DLGAP2: variants seen among roughly 807,000 people sequenced by gnomAD.
The protein encoded by DLGAP2 is disks large-associated protein 2.
A neutral mutation model predicts 100.3 loss-of-function variants in DLGAP2; 26 were observed. That is an observed-to-expected ratio of 0.26 (90% confidence interval 0.19 to 0.36). The LOEUF (loss-of-function observed/expected upper bound fraction) is 0.36. DLGAP2 is among the 10% of genes least tolerant of loss of function. The probability of loss-of-function intolerance (pLI) is 1.00; values close to 1 mark genes in which losing one functional copy is unlikely to be tolerated. For synonymous variants in DLGAP2, 886 were observed against 630.1 expected, an observed-to-expected ratio of 1.41 and a Z score of -6.08; for missense variants, 1,858 against 1,453.2, an observed-to-expected ratio of 1.28 and a Z score of -4.53.
intron 3 of DLGAP2, among the ~76,000 whole-genome samples, chr8:1,304,836 T>C (rs766415824): frequency 6.6e-6 from 1 of 152,198 alleles, no homozygotes; most frequent in Non-Finnish European, 1.5e-5. Flanking sequence ...CTAAACACCC[T>C]TCAATACTGC....
At chr8:1,392,187 G>T (rs751276870) in intron 3 of DLGAP2, among the ~76,000 whole-genome samples, 6 of 152,298 alleles carry the variant, frequency 3.9e-5, no homozygotes, top group East Asian at 1.9e-4. Flanking sequence ...TCCAGGCTCG[G>T]GTGCCATTGG....
chr8:1,214,829 T>C (rs902784877), intron 2 of DLGAP2, among the ~76,000 whole-genome samples: 6 of 152,266 alleles, frequency 3.9e-5, no homozygotes, highest in Non-Finnish European at 8.8e-5. Context: ...TAACATTCTT[T>C]AATGAATTAA....
At chr8:1,195,757 C>A (rs1797736593) in intron 2 of DLGAP2, among the ~76,000 whole-genome samples, 2 of 152,206 alleles carry the variant, frequency 1.3e-5, no homozygotes, top group South Asian at 2.1e-4. Flanking sequence ...AATCGCATCA[C>A]CATCGTTGCT....
chr8:1,236,900 A>G (rs1415416139), intron 2 of DLGAP2, among the ~76,000 whole-genome samples: 7 of 80,566 alleles, frequency 8.7e-5, no homozygotes, highest in Admixed American at 2.8e-4. Flanking sequence ...ACATGGCGCC[A>G]TGTTTAGTTC....
intron 2 of DLGAP2, among the ~76,000 whole-genome samples, chr8:1,243,827 T>C (rs111684141): frequency 3.9e-5 from 6 of 152,316 alleles, no homozygotes; most frequent in African/African-American, 1.4e-4. Flanking sequence ...CATTTACTTA[T>C]ATAACTCCTT....
intron 3 of DLGAP2, among the ~76,000 whole-genome samples, chr8:1,342,585 A>G (rs980483941): frequency 6.6e-6 from 1 of 152,194 alleles, no homozygotes; most frequent in Non-Finnish European, 1.5e-5. Context: ...CCTGACAGGT[A>G]CAAGTGCCAA....
intron 4 of DLGAP2, among the ~76,000 whole-genome samples, chr8:1,540,663 G>T (rs988804684): frequency 6.6e-6 from 1 of 152,244 alleles, no homozygotes; most frequent in Admixed American, 6.5e-5. Context: ...GGAGCTGGAC[G>T]CATGCTGGTG....
At chr8:1,298,865 C>T (rs547352915) in intron 3 of DLGAP2, among the ~76,000 whole-genome samples, 104 of 152,256 alleles carry the variant, frequency 6.8e-4, no homozygotes, top group South Asian at 1.5e-3. Flanking sequence ...CCAGCGAACT[C>T]CCATGGGCAA....
chr8:1,588,562 T>G (rs965340030), intron 6 of DLGAP2, among the ~76,000 whole-genome samples: 14 of 151,954 alleles, frequency 9.2e-5, no homozygotes, highest in African/African-American at 3.1e-4. Context: ...AATAGATAAA[T>G]AAAATAATTG....
chr8:1,201,911 CAT>C (rs1371630542), intron 2 of DLGAP2, among the ~76,000 whole-genome samples: 4 of 151,888 alleles, frequency 2.6e-5, no homozygotes, highest in East Asian at 1.9e-4. Context: ...CATGTGTGCA[CAT>C]GTGTGGTATC....
chr8:1,216,727 C>G (rs1327452845), intron 2 of DLGAP2, among the ~76,000 whole-genome samples: 1 of 152,098 alleles, frequency 6.6e-6, no homozygotes, highest in Non-Finnish European at 1.5e-5. Context: ...CTCCCTTTCT[C>G]TCTCATAACT....
At chr8:1,606,200 C>G (rs1003186593) in intron 6 of DLGAP2, among the ~76,000 whole-genome samples, 3 of 152,146 alleles carry the variant, frequency 2.0e-5, no homozygotes, top group Non-Finnish European at 4.4e-5. Flanking sequence ...TTCATTTCAA[C>G]TTTCAGATGA....
intron 2 of DLGAP2, among the ~76,000 whole-genome samples, chr8:1,029,741 AGGGGATGGAAAGTCAAAG>A (rs1227735728): frequency 1.3e-5 from 2 of 152,162 alleles, no homozygotes; most frequent in Non-Finnish European, 2.9e-5. Context: ...CCTCAGTTAC[AGGGGATGGAAAGTCAAAG>A]GGGGATGGAG....
intron 1 of DLGAP2, among the ~76,000 whole-genome samples, chr8:895,626 C>T (rs1172103809): frequency 6.6e-6 from 1 of 152,128 alleles, no homozygotes; most frequent in East Asian, 1.9e-4. Context: ...GGGTTTTGAG[C>T]AGAATAATGC....
At chr8:1,164,156 G>A (rs771439570) in intron 2 of DLGAP2, among the ~76,000 whole-genome samples, 814 of 11,916 alleles carry the variant, frequency 0.068, 158 homozygotes, top group Non-Finnish European at 0.1. Flanking sequence ...TTTTCTGTGA[G>A]CCCCCCAGGG....
intron 1 of DLGAP2, among the ~76,000 whole-genome samples, chr8:799,522 T>A (rs1347611599): frequency 1.3e-5 from 2 of 152,216 alleles, no homozygotes; most frequent in African/African-American, 4.8e-5. Flanking sequence ...TCTGTGTACC[T>A]AACAGCGTCC....
intron 2 of DLGAP2, among the ~76,000 whole-genome samples, chr8:935,298 G>T (rs753914311): frequency 6.6e-5 from 10 of 152,216 alleles, no homozygotes; most frequent in Non-Finnish European, 1.2e-4. Flanking sequence ...TACAAACCTT[G>T]TGTCAGCTGC....
chr8:1,282,720 G>GCA (rs2116951826), intron 3 of DLGAP2, among the ~76,000 whole-genome samples: 1 of 132,140 alleles, frequency 7.6e-6, no homozygotes, highest in Admixed American at 8.2e-5. Context: ...CCTGAACCCA[G>GCA]CGCCCTGAAC....
intron 2 of DLGAP2, among the ~76,000 whole-genome samples, chr8:1,177,391 C>T (rs1013212805): frequency 6.6e-6 from 1 of 151,990 alleles, no homozygotes; most frequent in African/African-American, 2.4e-5. Flanking sequence ...GGTCTCCTGG[C>T]CCGAGTTCTG....
Sources: allele counts gnomAD v4.1 joint callset (sites outside exome capture counted in the v4.1 genomes callset), GRCh38; gene constraint gnomAD v4.1.1; transcripts MANE v1.5; gene names NCBI Gene and HGNC (gene_info 2026-07-23, HGNC 2026-07-21).